C9orf43: variants seen among roughly 807,000 people sequenced by gnomAD.
C9orf43 encodes uncharacterized protein C9orf43.
Under a neutral mutation model 59.1 loss-of-function variants are expected in C9orf43, and 45 were observed. That is an observed-to-expected ratio of 0.76 (90% CI 0.60 to 0.98). The LOEUF (loss-of-function observed/expected upper bound fraction) is 0.98. Ranked by LOEUF, C9orf43 falls within the 50% of genes least tolerant of loss-of-function variation. The pLI, the probability that C9orf43 is intolerant of heterozygous loss-of-function variation, is 0.00. For missense variants in C9orf43, 533 were observed against 554.9 expected (o/e 0.96, Z 0.40); for synonymous variants, 203 against 196.8 (o/e 1.03, Z -0.26).
intron 10 of C9orf43, 23 bp downstream of exon 10, chr9:113,425,443 G>A (rs1473821832): frequency 1.2e-6 from 2 of 1,604,494 alleles, no homozygotes; most frequent in African/African-American, 1.3e-5. Flanking sequence ...TGAGGGGCTT[G>A]CTGGGACTGG....
chr9:113,411,172 T>C, intron 1 of C9orf43, 171 bp downstream of exon 1: 1 of 901,954 alleles, frequency 1.1e-6, no homozygotes, highest in Non-Finnish European at 1.3e-6. Context: ...CTTTTCACTG[T>C]ATGAAGAATG....
At chr9:113,422,438 A>G in intron 5 of C9orf43, 111 bp from the exon 6 acceptor site, 2 of 1,460,156 alleles carry the variant, frequency 1.4e-6, no homozygotes, top group South Asian at 1.3e-5. Flanking sequence ...CATCATTCAC[A>G]AATATCCTTG....
In C9orf43 at chr9:113,421,988, G is replaced by A. The variant is rs138263642; in HGVS notation, c.447-561G>A. Among the ~76,000 whole-genome samples the A allele has an allele frequency of 2.6e-4, 39 of 152,244 alleles. No homozygotes were observed. The East Asian group carries it at 7.1e-3, about 28-fold the overall frequency. ...AGGGCTCCTTCTAGCTTTTTGGGCC[G>A]TCATCCTTAGCCCATGGATTCCAAC... On this transcript the variant is annotated intron_variant, in intron 5 of 13. Coordinates refer to ENST00000374165, the MANE Select transcript of C9orf43 (RefSeq NM_001278629.2).
chr9:113,424,052 C>A, intron 7 of C9orf43, 114 bp from the exon 8 acceptor site: 1 of 1,196,292 alleles, frequency 8.4e-7, no homozygotes, highest in Non-Finnish European at 1.2e-6. Context: ...TTGGTACAGG[C>A]CTTTTCAGAC....
At chr9:113,416,084 C>T (rs1253062202) in intron 3 of C9orf43, among the ~76,000 whole-genome samples, 1 of 152,314 alleles carries the variant, frequency 6.6e-6, no homozygotes, top group African/African-American at 2.4e-5. Flanking sequence ...TGTTTACACG[C>T]CTTCTTCCTT....
At chr9:113,411,267 G>T in intron 1 of C9orf43, 3 of 310,834 alleles carry the variant, frequency 9.7e-6, no homozygotes, top group Non-Finnish European at 1.4e-5. Context: ...ATTTTTTCCA[G>T]TTAAAACCAT....
In C9orf43 at chr9:113,424,205, G is replaced by A; in HGVS notation, c.696G>A (p.Glu232=). The A allele has an allele frequency of 6.2e-7, 1 of 1,613,834 alleles. No homozygotes were observed. The highest frequency in any genetic ancestry group is 8.5e-7 in the Non-Finnish European group (1 of 1,179,850). ...GAAAGCAAACCATGCTCTGTCCAGA[G>A]ATGAAGATAAAATTGGCCATGATGA... ...PGGKQTMLCP[E]MKIKLAMMKK... Residue 232 remains glutamate (E), a synonymous_variant, in exon 8 of 14, where the codon GAG becomes GAA. Transcript: ENST00000374165.
At position 113,425,388 on chromosome 9, in the gene C9orf43, CAGA is replaced by C; in HGVS notation, c.916_918del (p.Lys306del). The C allele has an allele frequency of 3.1e-6, 5 of 1,613,956 alleles. No individual in the cohort carries two copies. The highest frequency in any genetic ancestry group is 4.2e-6 in the Non-Finnish European group (5 of 1,180,006). On this transcript the variant is annotated inframe_deletion, in exon 10 of 14. Transcript: ENST00000374165. ...GCGGCAGCAGCAGCAGCAGCAGCAA[CAGA>C]AGAAGGTGAAAACACCTATTAAGAA... is the stretch of plus-strand genomic sequence containing the variant.
Position 113,422,479 on chromosome 9 carries a change from T to A in C9orf43, c.447-70T>A. 2.5e-6 allele frequency: 4 copies of A among 1,577,134 alleles called. No homozygotes were observed. The South Asian group carries it at 4.5e-5, about 18-fold the overall frequency. On this transcript the variant is annotated intron_variant, in intron 5 of 13. Transcript: ENST00000374165. ...TCTGTTTAAGATATCTGGGAATAAG[T>A]TGTGCTTACTCTTATTTCAAGTCCA...
At chr9:113,428,837 GA>G in intron 12 of C9orf43, 62 bp from the exon 13 acceptor site, 1 of 1,432,846 alleles carries the variant, frequency 7.0e-7, no homozygotes, top group Non-Finnish European at 9.8e-7. Flanking sequence ...GCATCTTTTA[GA>G]AAAATCCTTT....
At chr9:113,415,801 A>T (rs1262588493) in intron 3 of C9orf43, among the ~76,000 whole-genome samples, 1 of 152,194 alleles carries the variant, frequency 6.6e-6, no homozygotes, top group Non-Finnish European at 1.5e-5. Context: ...TGTTACCTGG[A>T]ATAAAGCACC....
intron 6 of C9orf43, among the ~76,000 whole-genome samples, chr9:113,422,836 G>A (rs572598836): frequency 1.6e-4 from 24 of 152,128 alleles, no homozygotes; most frequent in African/African-American, 5.5e-4. Context: ...GTTCAGGGGG[G>A]GAGTTTTTGG....
intron 5 of C9orf43, 92 bp downstream of exon 5, chr9:113,421,295 G>T: frequency 1.1e-6 from 1 of 899,074 alleles, no homozygotes; most frequent in South Asian, 1.4e-5. Context: ...CATTTAGCCA[G>T]CTCATTGCAA....
chr9:113,415,024 G>C (rs1372218928), intron 3 of C9orf43, among the ~76,000 whole-genome samples: 1 of 152,140 alleles, frequency 6.6e-6, no homozygotes, highest in Non-Finnish European at 1.5e-5. Flanking sequence ...TAGAGACAGA[G>C]TTTCACCATG....
chr9:113,421,248 C>T, intron 5 of C9orf43, 45 bp downstream of exon 5: 1 of 1,374,536 alleles, frequency 7.3e-7, no homozygotes, highest in South Asian at 1.2e-5. Context: ...CTCTATAAAT[C>T]CCTGATGTCT....
rs774710537 is a variant in C9orf43, at chr9:113,425,068, AG to A, written c.858del (p.Thr287GlnfsTer21). On this transcript the variant is annotated frameshift_variant, in exon 9 of 14. Transcript: ENST00000374165. LOFTEE classifies it high-confidence loss of function. ...CGTTTGAAGAAATTACATAACCTGA[AG>A]ACAGAAGGTAGATTTGCTGTTGCTG... ...PERLKKLHNLKTEGYRKQQQR... is the reference protein window; with the variant it reads ...PERLKKLHNLXTEGYRKQQQR... The A allele has an allele frequency of 1.2e-5, 19 of 1,613,268 alleles. No homozygotes were observed. The highest frequency in any genetic ancestry group is 1.5e-5 in the Non-Finnish European group (18 of 1,179,874).
At chr9:113,415,875 CTT>C (rs1368547355) in intron 3 of C9orf43, among the ~76,000 whole-genome samples, 1 of 152,196 alleles carries the variant, frequency 6.6e-6, no homozygotes, top group East Asian at 1.9e-4. Context: ...AATGATTTCT[CTT>C]TGGCTAACAA....
Position 113,410,930 on chromosome 9 carries a change from A to G in C9orf43, c.-121A>G. 1 of 986,518 alleles carries G rather than the reference A, an allele frequency of 1.0e-6. No individual in the cohort carries two copies. Among genetic ancestry groups the G allele is most frequent in the Non-Finnish European group, 1.2e-6 (1 of 830,470 alleles). 61.1% of individuals were successfully genotyped at this position (986,518 alleles called of 1,614,324 possible). ...TTTTCTTTCCTGGAATGGAGTGGGC[A>G]GTCTTTTTCCATCTCTACCGAAGTT... On this transcript the variant is annotated 5_prime_UTR_variant, in exon 1 of 14. Coordinates refer to ENST00000374165, the MANE Select transcript of C9orf43 (RefSeq NM_001278629.2).
Position 113,428,331 on chromosome 9 carries a change from G to A in C9orf43, c.1107+108G>A, listed in dbSNP as rs375549072. The stretch of plus-strand genomic sequence containing the variant: ...ATTTGCTATTGCTAATGATTCTGTG[G>A]GTTGACTGGACAGTTGTTCTTCTCC... On this transcript the variant is annotated intron_variant, in intron 12 of 13. Transcript: ENST00000374165. The A allele has an allele frequency of 1.3e-5, 14 of 1,080,486 alleles. No homozygotes were observed. In the East Asian group the frequency reaches 2.9e-4, roughly 22 times the overall value. The allele number at this position is 1,080,486 out of a possible 1,614,324, so 66.9% of individuals were successfully genotyped here.
Sources: gnomAD v4.1 joint callset for allele counts (sites outside exome capture counted in the v4.1 genomes callset) on GRCh38, gnomAD v4.1.1 for gene constraint, MANE v1.5 for transcripts, NCBI Gene and HGNC (gene_info 2026-07-23, HGNC 2026-07-21) for gene names.